The following DST variants were observed in gnomAD, a reference collection of about 807,000 sequenced individuals.
The protein encoded by DST is dystonin.
In DST, 253 loss-of-function variants were observed where a neutral mutation model predicts 875.2. That is an observed-to-expected ratio of 0.29 (90% CI 0.26 to 0.32). The LOEUF (loss-of-function observed/expected upper bound fraction) is 0.32. Among genes scored for constraint, DST ranks in the 10% least tolerant of loss-of-function variants. The pLI is 1.00. For missense variants in DST, 8,287 were observed against 9,111.6 expected (o/e 0.91, Z 3.68); for synonymous variants, 3,124 against 3,197.1 (o/e 0.98, Z 0.77).
chr6:56,740,989 T>C (rs1047623328), intron 4 of DST, among the ~76,000 whole-genome samples: 1 of 152,082 alleles, frequency 6.6e-6, no homozygotes, highest in African/African-American at 2.4e-5. Context: ...CTATTATGTG[T>C]ATTATATAAA....
rs1379842574 is a variant in DST, at chr6:56,501,136, G to A, written c.19840C>T (p.Gln6614Ter). The A allele has an allele frequency of 6.2e-7, 1 of 1,612,746 alleles. No individual in the cohort carries two copies. The highest frequency in any genetic ancestry group is 1.1e-5 in the South Asian group (1 of 90,998). Residue 6614 changes from glutamine to a stop codon, truncating the protein, a stop_gained, in exon 80 of 104, where the codon CAG becomes TAG. Coordinates refer to ENST00000680361, the MANE Select transcript of DST (RefSeq NM_001374736.1). LOFTEE classifies it high-confidence loss of function. ...LTHTEGLLSEQKPVGGDPKAI... is the reference protein window; with the variant it reads ...LTHTEGLLSE ...TTAGGGTCTCCTCCAACAGGTTTCT[G>A]CTCACTTAGCAAGCCCTCGGTGTGT...
chr6:56,800,756 C>T (rs1450333548), intron 4 of DST, among the ~76,000 whole-genome samples: 2 of 152,100 alleles, frequency 1.3e-5, no homozygotes, highest in African/African-American at 2.4e-5. Flanking sequence ...TAGTGGCTCA[C>T]GCCTGTAATC....
intron 59 of DST, 107 bp from the exon 60 acceptor site, chr6:56,555,947 G>T (rs2097408111): frequency 8.4e-7 from 1 of 1,193,280 alleles, no homozygotes; most frequent in Non-Finnish European, 1.1e-6. Flanking sequence ...TCCAGTTTTT[G>T]TTTTTTAGTT....
chr6:56,896,766 T>C (rs2127680008), intron 3 of DST, among the ~76,000 whole-genome samples: 1 of 152,364 alleles, frequency 6.6e-6, no homozygotes, highest in South Asian at 2.1e-4. Flanking sequence ...CATTGTCTTT[T>C]GAGAACTGTC....
Position 56,497,741 on chromosome 6 carries a change from A to C in DST, c.20094+115T>G. 2.9e-6 allele frequency: 3 copies of C among 1,037,856 alleles called. No homozygotes were observed. The South Asian group carries it at 5.3e-5, about 18-fold the overall frequency. 64.3% of individuals were successfully genotyped at this position (1,037,856 alleles called of 1,614,324 possible). A position where few individuals can be genotyped will look rare whatever the true frequency, so the allele number is the denominator to read the frequency against. ...TCTGTTCTTTATTTCACTTATTTTT[A>C]CTCCTCTCCTTAAGGTATAAAAATT... On this transcript the variant is annotated intron_variant, in intron 81 of 103. Coordinates refer to ENST00000680361, the MANE Select transcript of DST (RefSeq NM_001374736.1).
At chr6:56,738,054 G>C (rs750906656) in intron 4 of DST, among the ~76,000 whole-genome samples, 23 of 152,042 alleles carry the variant, frequency 1.5e-4, no homozygotes, top group Admixed American at 3.3e-4. Flanking sequence ...AATAAGAATG[G>C]GGGGGAGGAA....
At chr6:56,871,038 C>A (rs1776840738) in intron 3 of DST, among the ~76,000 whole-genome samples, 1 of 151,830 alleles carries the variant, frequency 6.6e-6, no homozygotes, top group Admixed American at 6.6e-5. Flanking sequence ...AACATACAAA[C>A]AACCAAAGAA....
At position 56,572,229 on chromosome 6, in the gene DST, A is replaced by T. The variant is rs760912540; in HGVS notation, c.13592T>A (p.Leu4531His). The T allele has an allele frequency of 3.2e-6, 5 of 1,576,246 alleles. No individual in the cohort carries two copies. In the East Asian group the frequency reaches 1.1e-4, roughly 36 times the overall value. ...TSEFLEHKKH[L>H]EVLHSLLKEI... Reference sequence around the variant, plus strand: ...CTTCAAGAGACTATGCAAAACTTCAAGATGTTTCTTGTGTTCTAAAAATTC... The same window carrying T: ...CTTCAAGAGACTATGCAAAACTTCATGATGTTTCTTGTGTTCTAAAAATTC... The change falls in exon 53 of 104, where the codon CTT (leucine) becomes CAT (histidine). Residue 4531 changes from leucine to histidine, a missense_variant. Transcript: ENST00000680361.
chr6:56,684,504 C>A (rs1164224737), intron 9 of DST, among the ~76,000 whole-genome samples: 1 of 152,146 alleles, frequency 6.6e-6, no homozygotes, highest in African/African-American at 2.4e-5. Context: ...CGGATGCCCT[C>A]CTCTCACTAC....
At chr6:56,918,835 T>A (rs1802642016) in intron 2 of DST, among the ~76,000 whole-genome samples, 1 of 152,144 alleles carries the variant, frequency 6.6e-6, no homozygotes, top group Non-Finnish European at 1.5e-5. Context: ...GAGGTTGCAG[T>A]GAGCTGAGAT....
chr6:56,528,964 C>CAAAA, intron 66 of DST, 39 bp from the exon 67 acceptor site: 1 of 1,306,542 alleles, frequency 7.7e-7, no homozygotes, highest in African/African-American at 1.5e-5. Context: ...GGGGGAAAAA[C>CAAAA]ATTTAAGTTA....
chr6:56,916,446 C>T (rs938353618), intron 2 of DST, among the ~76,000 whole-genome samples: 8 of 152,196 alleles, frequency 5.3e-5, no homozygotes, highest in Admixed American at 1.3e-4. Context: ...TGCCAGTGCC[C>T]GAACTTAACA....
intron 45 of DST, among the ~76,000 whole-genome samples, chr6:56,599,069 T>C (rs999603309): frequency 6.6e-6 from 1 of 152,124 alleles, no homozygotes; most frequent in African/African-American, 2.4e-5. Flanking sequence ...TTATTGTTTC[T>C]AAACTTTTAT....
chr6:56,802,222 T>C (rs1401922344), intron 4 of DST, among the ~76,000 whole-genome samples: 1 of 152,146 alleles, frequency 6.6e-6, no homozygotes, highest in African/African-American at 2.4e-5. Context: ...GAGTACCCTA[T>C]TAAAATTTTT....
chr6:56,791,353 T>C (rs1274519390), intron 4 of DST, among the ~76,000 whole-genome samples: 1 of 152,090 alleles, frequency 6.6e-6, no homozygotes, highest in Non-Finnish European at 1.5e-5. Context: ...TGAGAGCAAT[T>C]AGATAAATAC....
intron 9 of DST, among the ~76,000 whole-genome samples, chr6:56,695,222 T>C (rs1431325670): frequency 6.7e-6 from 1 of 148,550 alleles, no homozygotes; most frequent in Non-Finnish European, 1.5e-5. Flanking sequence ...CATGTGACAA[T>C]CCTGCTTCCC....
At chr6:56,711,963 C>T (rs1168506531) in intron 5 of DST, among the ~76,000 whole-genome samples, 5 of 149,666 alleles carry the variant, frequency 3.3e-5, no homozygotes, top group East Asian at 1.9e-4. Flanking sequence ...TAGTGGCGGG[C>T]GCCTGTAGTC....
At chr6:56,511,533 G>C (rs896621874) in intron 72 of DST, 133 bp from the exon 73 acceptor site, 2 of 685,384 alleles carry the variant, frequency 2.9e-6, no homozygotes, top group African/African-American at 3.6e-5. Flanking sequence ...TTTAACACAT[G>C]ATGGCTCATA....
At chr6:56,737,186 C>T (rs1406458213) in intron 4 of DST, among the ~76,000 whole-genome samples, 3 of 152,124 alleles carry the variant, frequency 2.0e-5, no homozygotes, top group African/African-American at 7.2e-5. Flanking sequence ...ACAGCAAGAC[C>T]TTGTCTCCAA....
Sources: allele counts gnomAD v4.1 joint callset (sites outside exome capture counted in the v4.1 genomes callset), GRCh38; gene constraint gnomAD v4.1.1; transcripts MANE v1.5; gene names NCBI Gene and HGNC (gene_info 2026-07-23, HGNC 2026-07-21).